Variants in PDE10A observed in about 807,000 individuals in gnomAD.
PDE10A encodes cAMP and cAMP-inhibited cGMP 3',5'-cyclic phosphodiesterase 10A.
PDE10A carries 39 observed loss-of-function variants against 97.7 expected under a neutral mutation model. The ratio of observed to expected loss-of-function variants is 0.40; its 90% confidence interval spans 0.31 to 0.52. The LOEUF is 0.52. Ranked by LOEUF, PDE10A falls within the 20% of genes least tolerant of loss-of-function variation. The pLI is 0.56. For synonymous variants in PDE10A, 371 were observed against 376.8 expected, an observed-to-expected ratio of 0.98 and a Z score of 0.18; for missense variants, 731 against 1,047.8, an observed-to-expected ratio of 0.70 and a Z score of 4.17.
chr6:165,345,606 C>G (rs535870453), intron 18 of PDE10A, among the ~76,000 whole-genome samples: 1 of 152,302 alleles, frequency 6.6e-6, no homozygotes, highest in African/African-American at 2.4e-5. Context: ...GCTAAGCCTA[C>G]TCTTGGTTTG....
At chr6:165,504,629 T>A (rs1386308646) in intron 2 of PDE10A, among the ~76,000 whole-genome samples, 1 of 152,154 alleles carries the variant, frequency 6.6e-6, no homozygotes, top group African/African-American at 2.4e-5. Context: ...TTTTCAAATG[T>A]TTCTCAGTAA....
At chr6:165,927,678 A>ATATATATATATAT (rs1562801740) in intron 1 of PDE10A, among the ~76,000 whole-genome samples, 7 of 118,506 alleles carry the variant, frequency 5.9e-5, no homozygotes, top group African/African-American at 1.0e-4. Flanking sequence ...ATATATATAT[A>ATATATATATATAT]GTTTTTTGTT....
intron 1 of PDE10A, among the ~76,000 whole-genome samples, chr6:165,943,947 T>C (rs894393540): frequency 1.3e-5 from 2 of 152,230 alleles, no homozygotes; most frequent in Admixed American, 6.5e-5. Context: ...TCTGTATTAG[T>C]CTGTTCTCAC....
chr6:165,980,941 T>G (rs941796222), intron 1 of PDE10A, among the ~76,000 whole-genome samples: 2 of 152,160 alleles, frequency 1.3e-5, no homozygotes, highest in African/African-American at 4.8e-5. Flanking sequence ...GAAGATAATT[T>G]CTGCTTGCCT....
chr6:165,894,545 A>G (rs1379867619), intron 1 of PDE10A: 4 of 455,912 alleles, frequency 8.8e-6, no homozygotes, highest in South Asian at 6.2e-5. Flanking sequence ...CACAAACTCA[A>G]CGGGGAGCCA....
intron 1 of PDE10A, among the ~76,000 whole-genome samples, chr6:165,619,029 CTAGTG>C (rs1201089681): frequency 1.7e-3 from 43 of 25,746 alleles, no homozygotes; most frequent in South Asian, 4.3e-3. Context: ...CTAGCATAGT[CTAGTG>C]TAGTGTAGTG....
chr6:165,815,254 T>C (rs1296704283), intron 1 of PDE10A, among the ~76,000 whole-genome samples: 4 of 152,334 alleles, frequency 2.6e-5, no homozygotes, highest in Admixed American at 1.3e-4. Context: ...AACTCTTCCC[T>C]ACTGTCCCAC....
intron 1 of PDE10A, among the ~76,000 whole-genome samples, chr6:165,792,677 C>A (rs753417190): frequency 3.3e-5 from 5 of 152,132 alleles, no homozygotes; most frequent in Non-Finnish European, 7.4e-5. Flanking sequence ...GCTGACCACA[C>A]CCAGGTTATG....
In PDE10A at chr6:165,448,983, A is replaced by G. The variant is rs755908046; in HGVS notation, c.1145-6T>C. 6.2e-7 allele frequency: 1 copy of G among 1,611,106 alleles called. No individual in the cohort carries two copies. Among genetic ancestry groups the G allele is most frequent in the Admixed American group, 1.7e-5 (1 of 59,996 alleles). On this transcript the variant is annotated splice_region_variant and splice_polypyrimidine_tract_variant and intron_variant, in intron 4 of 21. Coordinates refer to ENST00000539869, the MANE Select transcript of PDE10A (RefSeq NM_001385079.1). ...AAATCCATCGGCTTTTGTGGCTGCC[A>G]AAGTAATAAGAAAAGGAAGAAACTG...
intron 1 of PDE10A, among the ~76,000 whole-genome samples, chr6:165,867,706 C>T (rs1781098053): frequency 6.6e-6 from 1 of 152,034 alleles, no homozygotes; most frequent in South Asian, 2.1e-4. Context: ...ACATTTCATT[C>T]AACAGCTACA....
chr6:165,916,459 G>A, intron 1 of PDE10A, among the ~76,000 whole-genome samples: 1 of 152,202 alleles, frequency 6.6e-6, no homozygotes, highest in East Asian at 1.9e-4. Flanking sequence ...CAGTGAGTTT[G>A]TCATATCGTA....
chr6:165,661,856 C>G lies in PDE10A; in HGVS notation c.865+91G>C, dbSNP rs776366838. Reference sequence around the variant, plus strand: ...CGGGCACGGGCACCTCGCTCGACACCCGCTTCCCACCCAGCAGTCCAAGCC... The same window carrying G: ...CGGGCACGGGCACCTCGCTCGACACGCGCTTCCCACCCAGCAGTCCAAGCC... On this transcript the variant is annotated intron_variant, in intron 1 of 21. Transcript: ENST00000539869. The surrounding 1 kb of genome is among the most constrained non-coding windows in gnomAD (Gnocchi z 4.8). The G allele has an allele frequency of 5.8e-4, 379 of 654,896 alleles. No homozygotes were observed. The highest frequency in any genetic ancestry group is 4.8e-4 in the Admixed American group (19 of 39,706). 40.6% of individuals were successfully genotyped at this position (654,896 alleles called of 1,614,324 possible). A position where few individuals can be genotyped will look rare whatever the true frequency, so the allele number is the denominator to read the frequency against.
At chr6:165,811,317 T>G (rs1201809539) in intron 1 of PDE10A, among the ~76,000 whole-genome samples, 1 of 152,200 alleles carries the variant, frequency 6.6e-6, no homozygotes, top group Non-Finnish European at 1.5e-5. Flanking sequence ...TACTGATAGT[T>G]ACATCATCTC....
intron 3 of PDE10A, among the ~76,000 whole-genome samples, chr6:165,453,641 G>A (rs1172007742): frequency 1.3e-5 from 2 of 152,228 alleles, no homozygotes; most frequent in Non-Finnish European, 2.9e-5. Context: ...CACCTTCAGA[G>A]GGCACAAACA....
chr6:165,801,016 G>A lies in PDE10A; in HGVS notation c.-615+186513C>T, dbSNP rs1306619448. ...CAGATAAAAGGCTGATTATGAAGGC[G>A]TTCATTCTTAGTAGTCAGCTGGTCT... On this transcript the variant is annotated intron_variant, in intron 1 of 19. Coordinates refer to the PDE10A transcript ENST00000366882. 3.9e-5 allele frequency among the ~76,000 whole-genome samples: 6 copies of A among 152,194 alleles called. No homozygotes were observed. In the South Asian group the frequency reaches 6.2e-4, roughly 16 times the overall value.
chr6:165,555,183 A>C (rs1784192098), intron 1 of PDE10A, among the ~76,000 whole-genome samples: 1 of 152,192 alleles, frequency 6.6e-6, no homozygotes. Flanking sequence ...GAGTGTTTGT[A>C]ACTCAAAGGA....
chr6:165,471,592 CCCTCCCA>C (rs1213772648), intron 3 of PDE10A, among the ~76,000 whole-genome samples: 1 of 152,130 alleles, frequency 6.6e-6, no homozygotes, highest in East Asian at 1.9e-4. Flanking sequence ...ATCCTGCAGG[CCCTCCCA>C]TGGAGGGCCT....
At chr6:165,515,109 A>G (rs1321543161) in intron 2 of PDE10A, among the ~76,000 whole-genome samples, 2 of 152,178 alleles carry the variant, frequency 1.3e-5, no homozygotes, top group African/African-American at 2.4e-5. Flanking sequence ...TAACACTAAG[A>G]TGTTATCTGT....
chr6:165,570,885 T>G (rs1277498053), intron 1 of PDE10A, among the ~76,000 whole-genome samples: 1 of 152,232 alleles, frequency 6.6e-6, no homozygotes, highest in East Asian at 1.9e-4. Context: ...TACAAGCCTT[T>G]GGTGACATTT....
Sources: allele counts gnomAD v4.1 joint callset (sites outside exome capture counted in the v4.1 genomes callset), GRCh38; gene constraint gnomAD v4.1.1; non-coding constraint Gnocchi (gnomAD v3.1); transcripts MANE v1.5; gene names NCBI Gene and HGNC (gene_info 2026-07-23, HGNC 2026-07-21).